RAVER2: variants seen among roughly 807,000 people sequenced by gnomAD.
RAVER2 encodes ribonucleoprotein PTB-binding 2.
Under a neutral mutation model 78.1 loss-of-function variants are expected in RAVER2, and 46 were observed. The observed-to-expected ratio is 0.59, with a 90% CI of 0.46 to 0.75. RAVER2 has a LOEUF of 0.75. RAVER2 is among the 30% of genes least tolerant of loss of function. RAVER2 has a pLI of 0.00. For synonymous variants in RAVER2, 311 were observed against 313.3 expected (o/e 0.99, Z 0.08); for missense variants, 793 against 837.5 (o/e 0.95, Z 0.66).
At chr1:64,797,379 C>G (rs1034695834) in intron 5 of RAVER2, among the ~76,000 whole-genome samples, 4 of 152,160 alleles carry the variant, frequency 2.6e-5, no homozygotes, top group Admixed American at 2.6e-4. Context: ...CATTTTCAGA[C>G]TGTTTTTATT....
intron 3 of RAVER2, among the ~76,000 whole-genome samples, chr1:64,780,327 A>G (rs1303559147): frequency 1.3e-5 from 2 of 152,212 alleles, no homozygotes; most frequent in East Asian, 3.9e-4. Flanking sequence ...GAAGAGGTAG[A>G]TGTTTTTCCT....
chr1:64,802,976 C>T, exon 6 of RAVER2: 1 of 1,590,234 alleles, frequency 6.3e-7, no homozygotes, highest in Non-Finnish European at 8.6e-7. Context: ...TTTCTCAAAG[C>T]CGTTCTTGGA....
At chr1:64,796,473 G>C (rs983775548) in intron 5 of RAVER2, among the ~76,000 whole-genome samples, 6 of 152,028 alleles carry the variant, frequency 3.9e-5, no homozygotes, top group Non-Finnish European at 7.4e-5. Context: ...TCAGGATCTT[G>C]TTCTTCTTAA....
At chr1:64,759,580 G>A (rs1051516727) in intron 1 of RAVER2, among the ~76,000 whole-genome samples, 7 of 149,522 alleles carry the variant, frequency 4.7e-5, no homozygotes, top group African/African-American at 1.5e-4. Context: ...GCAGTGGCGC[G>A]ATTTCGGCTC....
intron 5 of RAVER2, 21 bp downstream of exon 5, chr1:64,789,535 C>T: frequency 7.0e-7 from 1 of 1,425,314 alleles, no homozygotes. Context: ...TGTATGTATA[C>T]TGATTAATTA....
Position 64,804,839 on chromosome 1 carries a change from G to A in RAVER2, c.1296+1G>A. ...GTTTGAGAATATTCATACTAATAAT[G>A]TAAGTATGGTATCATTTTTTCTTTT... On this transcript the variant is annotated splice_donor_variant, in intron 7 of 11. Coordinates refer to ENST00000294428, the Ensembl canonical transcript of RAVER2. LOFTEE classifies it high-confidence loss of function. 3 of 1,525,382 alleles carry A rather than the reference G, an allele frequency of 2.0e-6. No individual in the cohort carries two copies. The highest frequency in any genetic ancestry group is 2.7e-6 in the Non-Finnish European group (3 of 1,102,952). 94.5% of individuals were successfully genotyped at this position (1,525,382 alleles called of 1,614,324 possible). A position where few individuals can be genotyped will look rare whatever the true frequency, so the allele number is the denominator to read the frequency against.
intron 1 of RAVER2, among the ~76,000 whole-genome samples, chr1:64,750,866 G>A (rs754928378): frequency 1.3e-5 from 2 of 152,126 alleles, no homozygotes; most frequent in Non-Finnish European, 2.9e-5. Context: ...TGAATTATGG[G>A]TTCTACTTCT....
chr1:64,796,374 T>C (rs1181794683), intron 5 of RAVER2, among the ~76,000 whole-genome samples: 1 of 152,080 alleles, frequency 6.6e-6, no homozygotes, highest in Admixed American at 6.5e-5. Context: ...ATATGTTTGA[T>C]AGAATTCGCT....
At chr1:64,804,321 A>G (rs1356295718) in intron 6 of RAVER2, among the ~76,000 whole-genome samples, 1 of 152,008 alleles carries the variant, frequency 6.6e-6, no homozygotes, top group Non-Finnish European at 1.5e-5. Context: ...TTTTTTATTA[A>G]TTAATGGCTC....
chr1:64,803,107 A>G, intron 6 of RAVER2, 46 bp downstream of exon 6: 2 of 1,405,030 alleles, frequency 1.4e-6, no homozygotes, highest in Non-Finnish European at 2.0e-6. Flanking sequence ...ATTCGGAGTG[A>G]ATATTTTGTT....
intron 4 of RAVER2, among the ~76,000 whole-genome samples, chr1:64,783,705 G>A (rs1652699932): frequency 6.6e-6 from 1 of 152,142 alleles, no homozygotes. Flanking sequence ...TATTCACTCT[G>A]ATGGTAGTTT....
At chr1:64,809,791 C>G (rs889078963) in intron 9 of RAVER2, among the ~76,000 whole-genome samples, 1 of 152,074 alleles carries the variant, frequency 6.6e-6, no homozygotes, top group African/African-American at 2.4e-5. Flanking sequence ...AGGTAACCAC[C>G]GTTTCTACTT....
At chr1:64,792,990 G>A (rs969252614) in intron 5 of RAVER2, among the ~76,000 whole-genome samples, 10 of 152,098 alleles carry the variant, frequency 6.6e-5, no homozygotes, top group Non-Finnish European at 1.5e-4. Context: ...ATCACCTGAG[G>A]TCAGGAGTTC....
In RAVER2 at chr1:64,768,639, G is replaced by GT. The variant is rs751724057; in HGVS notation, c.250-10dup. ...GCATTTGTATGTTTACTGAATTCGT[G>GT]TTTTTTTCTCTTTCAGGAAGTTCAT... is the stretch of plus-strand genomic sequence containing the variant. On this transcript the variant is annotated splice_polypyrimidine_tract_variant and intron_variant, in intron 1 of 11. Coordinates refer to ENST00000294428, the Ensembl canonical transcript of RAVER2. The GT allele has an allele frequency of 8.0e-6, 12 of 1,492,170 alleles. No homozygotes were observed. Among genetic ancestry groups the GT allele is most frequent in the South Asian group, 8.0e-5 (7 of 87,128 alleles). The allele number at this position is 1,492,170 out of a possible 1,614,324, so 92.4% of individuals were successfully genotyped here.
At chr1:64,755,724 G>GTTTTTTTTTTTTTTTTTTTTT (rs753375050) in intron 1 of RAVER2, among the ~76,000 whole-genome samples, 1 of 60,634 alleles carries the variant, frequency 1.6e-5, no homozygotes, top group African/African-American at 7.2e-5. Context: ...ATGCTTCATA[G>GTTTTTTTTTTTTTTTTTTTTT]TTTTTTTTTT....
intron 5 of RAVER2, among the ~76,000 whole-genome samples, chr1:64,797,765 A>G (rs979646859): frequency 6.6e-5 from 10 of 152,060 alleles, no homozygotes; most frequent in African/African-American, 1.2e-4. Context: ...GTATCTATCT[A>G]TATCTATATG....
chr1:64,806,098 A>G lies in RAVER2; in HGVS notation c.1411+993A>G, dbSNP rs531592332. ...TTGAAGAAATTTGTTTAGTAAATTT[A>G]TAAAATGGTAAATCTGACTTAGTTG... On this transcript the variant is annotated intron_variant, in intron 8 of 11. Transcript: ENST00000294428. Among the ~76,000 whole-genome samples the G allele has an allele frequency of 4.3e-4, 65 of 152,368 alleles. 1 individual carries two copies. The South Asian group carries it at 0.013, about 31-fold the overall frequency.
chr1:64,818,561 C>CT (rs1653811634), intron 11 of RAVER2, among the ~76,000 whole-genome samples: 1 of 152,056 alleles, frequency 6.6e-6, no homozygotes. Context: ...CAAAACTGGA[C>CT]TAAATATGAA....
chr1:64,805,905 T>C (rs1001109178), intron 8 of RAVER2, among the ~76,000 whole-genome samples: 14 of 152,316 alleles, frequency 9.2e-5, no homozygotes, highest in African/African-American at 3.4e-4. Flanking sequence ...ATTTTTTATG[T>C]CTAAAAGCTT....
Sources: allele counts gnomAD v4.1 joint callset (sites outside exome capture counted in the v4.1 genomes callset), GRCh38; gene constraint gnomAD v4.1.1; transcripts MANE v1.5; gene names NCBI Gene and HGNC (gene_info 2026-07-23, HGNC 2026-07-21).